Variants in SNX29 observed in about 807,000 individuals in gnomAD.
SNX29 encodes sorting nexin-29.
A neutral mutation model predicts 102.1 loss-of-function variants in SNX29; 78 were observed. That is an observed-to-expected ratio of 0.76 (90% CI 0.64 to 0.92). SNX29 has a LOEUF of 0.92. SNX29 is among the 40% of genes least tolerant of loss of function. SNX29 has a pLI of 0.00. For synonymous variants in SNX29, 580 were observed against 414.5 expected, an observed-to-expected ratio of 1.40 and a Z score of -4.85; for missense variants, 1,280 against 1,061.7, an observed-to-expected ratio of 1.21 and a Z score of -2.86.
At chr16:12,548,858 C>T (rs1597916904) in intron 20 of SNX29, among the ~76,000 whole-genome samples, 3 of 152,234 alleles carry the variant, frequency 2.0e-5, no homozygotes, top group Non-Finnish European at 4.4e-5. Context: ...CTCTGCTCTG[C>T]AGCCAGGGCC....
Position 12,568,650 on chromosome 16 carries a change from C to CG in SNX29, c.*24dup. ...TCTGACCTCGACAAAACCGCAGCCA[C>CG]GGGCCCTGTGCGTGGCACCAGCTGC... On this transcript the variant is annotated 3_prime_UTR_variant, in exon 21 of 21. Transcript: ENST00000566228. 5.0e-6 allele frequency: 8 copies of CG among 1,599,768 alleles called. No homozygotes were observed. The highest frequency in any genetic ancestry group is 6.8e-6 in the Non-Finnish European group (8 of 1,179,350).
chr16:12,501,989 A>G (rs1317380213), intron 19 of SNX29, among the ~76,000 whole-genome samples: 2 of 152,184 alleles, frequency 1.3e-5, no homozygotes, highest in African/African-American at 4.8e-5. Context: ...TTATAGGGTC[A>G]GGGACCTTCT....
intron 16 of SNX29, among the ~76,000 whole-genome samples, chr16:12,360,856 G>C (rs374772626): frequency 6.6e-6 from 1 of 152,176 alleles, no homozygotes; most frequent in Admixed American, 6.5e-5. Flanking sequence ...CCATTTTACA[G>C]GTTTACTGAG....
intron 20 of SNX29, among the ~76,000 whole-genome samples, chr16:12,565,620 C>T (rs762818712): frequency 6.6e-6 from 1 of 152,214 alleles, no homozygotes; most frequent in Admixed American, 6.5e-5. Flanking sequence ...TCCCAGGTGC[C>T]AGGCACAGAC....
rs114908088 is a variant in SNX29, at chr16:12,024,981, G to A, written c.123-2339G>A. On this transcript the variant is annotated intron_variant, in intron 3 of 20. Transcript: ENST00000566228. ...TGGTATTTAGAGAGTTTTGGTGGAC[G>A]TCCCAGCTTTCAGGAAGCCTTAAAA... 9.2e-3 allele frequency among the ~76,000 whole-genome samples: 1,392 copies of A among 152,024 alleles called. 23 individuals are homozygous for A. Among genetic ancestry groups the A allele is most frequent in the African/African-American group, 0.031 (1,283 of 41,450 alleles).
intron 15 of SNX29, among the ~76,000 whole-genome samples, chr16:12,294,980 C>T (rs1034638536): frequency 6.6e-6 from 1 of 152,162 alleles, no homozygotes; most frequent in Non-Finnish European, 1.5e-5. Context: ...ACACGTCTTA[C>T]ATGGCGTCAG....
At chr16:12,515,000 C>A (rs756906217) in intron 19 of SNX29, among the ~76,000 whole-genome samples, 1 of 152,066 alleles carries the variant, frequency 6.6e-6, no homozygotes, top group Non-Finnish European at 1.5e-5. Context: ...TGAAATGATG[C>A]TTAAGCATAG....
Position 12,511,262 on chromosome 16 carries a change from C to T in SNX29, c.2179-13440C>T, listed in dbSNP as rs138850262. 1.7e-3 allele frequency among the ~76,000 whole-genome samples: 255 copies of T among 152,288 alleles called. 1 individual carries two copies. Among genetic ancestry groups the T allele is most frequent in the African/African-American group, 6.1e-3 (253 of 41,552 alleles). On this transcript the variant is annotated intron_variant, in intron 19 of 20. Coordinates refer to ENST00000566228, the MANE Select transcript of SNX29 (RefSeq NM_032167.5). ...CATGGGTCTTAAGAGGCAGGACAGC[C>T]TCATACTCCTGAGCTCAGGTGTGGA...
chr16:12,268,672 T>G (rs1356935863), intron 14 of SNX29, among the ~76,000 whole-genome samples: 1 of 152,232 alleles, frequency 6.6e-6, no homozygotes, highest in Non-Finnish European at 1.5e-5. Flanking sequence ...CCTCATTTTA[T>G]GCATTTGAAT....
intron 19 of SNX29, among the ~76,000 whole-genome samples, chr16:12,522,058 G>T (rs551488634): frequency 2.0e-5 from 3 of 150,714 alleles, no homozygotes; most frequent in East Asian, 1.9e-4. Context: ...GAGTGGCCCC[G>T]AGGGGCCCCT....
intron 14 of SNX29, among the ~76,000 whole-genome samples, chr16:12,234,820 G>A (rs999375557): frequency 2.0e-5 from 3 of 152,106 alleles, no homozygotes; most frequent in Non-Finnish European, 4.4e-5. Context: ...CTGCCTACTG[G>A]CATCATAGGC....
In SNX29 at chr16:12,572,601, C is replaced by T. The variant is rs142904448; in HGVS notation, c.*3972C>T. 251 of 1,064,472 alleles carry T rather than the reference C, an allele frequency of 2.4e-4. No individual in the cohort carries two copies. Among genetic ancestry groups the T allele is most frequent in the African/African-American group, 1.4e-3 (87 of 61,130 alleles). 65.9% of individuals were successfully genotyped at this position (1,064,472 alleles called of 1,614,324 possible). On this transcript the variant is annotated 3_prime_UTR_variant, in exon 21 of 21. Coordinates refer to ENST00000566228, the MANE Select transcript of SNX29 (RefSeq NM_032167.5). Reference sequence around the variant, plus strand: ...TGTTCTCTGGGCTCCCAGTGAGCCCCCTCCCCTCCGGCTACCCCCAGAATC... The same window carrying T: ...TGTTCTCTGGGCTCCCAGTGAGCCCTCTCCCCTCCGGCTACCCCCAGAATC...
intron 20 of SNX29, among the ~76,000 whole-genome samples, chr16:12,539,963 GTTGCACATA>G (rs1882869029): frequency 6.6e-6 from 1 of 152,198 alleles, no homozygotes; most frequent in Non-Finnish European, 1.5e-5. Flanking sequence ...GAACATGTGA[GTTGCACATA>G]TTTTCTTCTA....
chr16:12,218,308 A>G (rs2077379092), intron 14 of SNX29, among the ~76,000 whole-genome samples: 3 of 147,344 alleles, frequency 2.0e-5, no homozygotes, highest in African/African-American at 8.0e-5. Context: ...ACCAGAGGTA[A>G]TCACACAAAT....
At chr16:12,046,569 A>C in intron 6 of SNX29, 115 bp downstream of exon 6, 4 of 901,976 alleles carry the variant, frequency 4.4e-6, no homozygotes, top group Non-Finnish European at 7.2e-6. Flanking sequence ...TCAACAACTC[A>C]ATGAGTCACT....
chr16:12,165,018 G>A (rs113209801), intron 13 of SNX29, among the ~76,000 whole-genome samples: 2,726 of 152,220 alleles, frequency 0.018, 81 homozygotes, highest in African/African-American at 0.062. Flanking sequence ...CACTTCTCCT[G>A]TGGCTGTTCT....
chr16:12,328,725 T>C (rs145511913), intron 15 of SNX29, among the ~76,000 whole-genome samples: 6 of 152,340 alleles, frequency 3.9e-5, no homozygotes, highest in Non-Finnish European at 5.9e-5. Flanking sequence ...CTAAGTCTTA[T>C]TTTCATCTGT....
rs1425321234 is a variant in SNX29 at position 12,537,453 on chromosome 16, T to C, written c.2318+12612T>C. Among the ~76,000 whole-genome samples the C allele has an allele frequency of 2.6e-5, 4 of 151,856 alleles. 1 individual carries two copies. Among genetic ancestry groups the C allele is most frequent in the African/African-American group, 9.7e-5 (4 of 41,418 alleles). On this transcript the variant is annotated intron_variant, in intron 20 of 20. Coordinates refer to ENST00000566228, the MANE Select transcript of SNX29 (RefSeq NM_032167.5). ...ACATAGCAGCCTTGTGAACTTCACC[T>C]CTGCCTCAGCATCCTCATCTATAAA...
At chr16:12,491,413 C>A (rs2088538635) in intron 19 of SNX29, among the ~76,000 whole-genome samples, 1 of 152,218 alleles carries the variant, frequency 6.6e-6, no homozygotes, top group South Asian at 2.1e-4. Context: ...CATTGTTTCA[C>A]ATTCACAACA....
Sources: allele counts gnomAD v4.1 joint callset (sites outside exome capture counted in the v4.1 genomes callset), GRCh38; gene constraint gnomAD v4.1.1; transcripts MANE v1.5; gene names NCBI Gene and HGNC (gene_info 2026-07-23, HGNC 2026-07-21).